The following MTUS2 variants were observed in gnomAD, a reference collection of about 807,000 sequenced individuals.
MTUS2 encodes microtubule-associated tumor suppressor candidate 2.
In MTUS2, 40 loss-of-function variants were observed where a neutral mutation model predicts 114.1. The ratio of observed to expected loss-of-function variants is 0.35; its 90% CI spans 0.27 to 0.46. The LOEUF (loss-of-function observed/expected upper bound fraction) is 0.46, where lower values mean the gene tolerates loss of function less well. Among genes scored for constraint, MTUS2 ranks in the 20% least tolerant of loss-of-function variants. The probability of loss-of-function intolerance (pLI) is 1.00; values close to 1 mark genes in which losing one functional copy is unlikely to be tolerated. For synonymous variants in MTUS2, 688 were observed against 672.0 expected (o/e 1.02, Z -0.37); for missense variants, 1,679 against 1,705.4 (o/e 0.98, Z 0.27).
rs1487701819 is a variant in MTUS2 at position 29,024,883 on chromosome 13, A to G, written c.185A>G (p.Asn62Ser). Reference sequence around the variant, plus strand: ...TGTGACCTGGGAGATGAAATTGGAAATACAAATTCAAGTGAGCCAGAAAAC... The same window carrying G: ...TGTGACCTGGGAGATGAAATTGGAAGTACAAATTCAAGTGAGCCAGAAAAC... ...KTCDLGDEIG[N>S]TNSSEPENRT... is the part of the protein sequence containing the mutation. The change falls in exon 3 of 16, where the codon AAT becomes AGT. Residue 62 changes from asparagine to serine, a missense_variant. Around this residue, in one of 3 missense-constraint regions of MTUS2, gnomAD observed 843 missense variants for 770.8 expected, o/e 1.09. Transcript: ENST00000612955. 6.2e-7 allele frequency: 1 copy of G among 1,614,016 alleles called. No homozygotes were observed. The highest frequency in any genetic ancestry group is 2.2e-5 in the East Asian group (1 of 44,878).
intron 4 of MTUS2, among the ~76,000 whole-genome samples, chr13:29,081,352 C>A (rs1473467712): frequency 6.6e-6 from 1 of 152,000 alleles, no homozygotes; most frequent in African/African-American, 2.4e-5. Context: ...TTACAATTCA[C>A]CCTGATGTCT....
At chr13:29,355,474 T>C (rs977218103) in intron 7 of MTUS2, among the ~76,000 whole-genome samples, 4 of 152,180 alleles carry the variant, frequency 2.6e-5, no homozygotes, top group Non-Finnish European at 5.9e-5. Context: ...GTTAGAGATG[T>C]TGTAGAGTGG....
At chr13:29,001,422 A>T (rs1253954773) in intron 2 of MTUS2, among the ~76,000 whole-genome samples, 1 of 152,102 alleles carries the variant, frequency 6.6e-6, no homozygotes, top group Non-Finnish European at 1.5e-5. Context: ...GAACTAGATG[A>T]CAGGTTGCAC....
intron 2 of MTUS2, among the ~76,000 whole-genome samples, chr13:28,910,356 C>G (rs1162362699): frequency 6.6e-6 from 1 of 151,458 alleles, no homozygotes; most frequent in Non-Finnish European, 1.5e-5. Context: ...TTTTTTTGTT[C>G]TTATTCTTTT....
intron 5 of MTUS2, among the ~76,000 whole-genome samples, chr13:29,209,380 C>T (rs1191124825): frequency 2.6e-5 from 4 of 152,068 alleles, no homozygotes; most frequent in African/African-American, 9.7e-5. Context: ...ATCCATTCTT[C>T]CATTCTGTAT....
chr13:29,344,138 A>G (rs748073821), intron 7 of MTUS2, among the ~76,000 whole-genome samples: 1 of 152,094 alleles, frequency 6.6e-6, no homozygotes, highest in Non-Finnish European at 1.5e-5. Flanking sequence ...GTTGGGTAGA[A>G]TGTTCTGTAA....
intron 8 of MTUS2, among the ~76,000 whole-genome samples, chr13:29,388,759 A>G (rs1872807998): frequency 6.6e-6 from 1 of 152,080 alleles, no homozygotes; most frequent in Admixed American, 6.6e-5. Context: ...AATTAGAGAA[A>G]TATCTTAAGG....
At chr13:28,954,619 T>C (rs1451356659) in intron 2 of MTUS2, among the ~76,000 whole-genome samples, 2 of 152,042 alleles carry the variant, frequency 1.3e-5, no homozygotes, top group Non-Finnish European at 2.9e-5. Context: ...GGGAGCATCA[T>C]TGAAGTGGAG....
At chr13:29,232,318 A>ACG (rs1566081002) in intron 5 of MTUS2, among the ~76,000 whole-genome samples, 6,362 of 99,024 alleles carry the variant, frequency 0.064, 455 homozygotes, top group African/African-American at 0.2. Flanking sequence ...ACACACACAC[A>ACG]CACACGCACA....
intron 2 of MTUS2, among the ~76,000 whole-genome samples, chr13:28,931,245 A>C (rs2138089836): frequency 6.6e-6 from 1 of 152,300 alleles, no homozygotes; most frequent in Non-Finnish European, 1.5e-5. Context: ...TTTGGGAAAA[A>C]ATAAAAAATA....
rs1188500192 is a variant in MTUS2 at position 29,380,682 on chromosome 13, C to T, written c.3117+21209C>T. On this transcript the variant is annotated intron_variant, in intron 8 of 15. Coordinates refer to ENST00000612955, the MANE Select transcript of MTUS2 (RefSeq NM_001033602.4). ...CTGTAATCCCAGCACTTTGGGAGGC[C>T]GAGGCGGGTGGATCATGAGGTCAGG... 1.1e-4 allele frequency among the ~76,000 whole-genome samples: 2 copies of T among 17,988 alleles called. 1 individual carries two copies. Among genetic ancestry groups the T allele is most frequent in the African/African-American group, 1.5e-4 (2 of 13,312 alleles). 11.8% of individuals were successfully genotyped at this position (17,988 alleles called of 152,430 possible).
intron 2 of MTUS2, among the ~76,000 whole-genome samples, chr13:28,955,939 A>G (rs1287530384): frequency 6.6e-6 from 1 of 151,516 alleles, no homozygotes; most frequent in Non-Finnish European, 1.5e-5. Flanking sequence ...AGTTATTGGG[A>G]CACAGGTGGT....
intron 12 of MTUS2, 101 bp downstream of exon 12, chr13:29,492,820 T>C: frequency 1.1e-6 from 1 of 873,966 alleles, no homozygotes; most frequent in Non-Finnish European, 1.8e-6. Context: ...TACTAAATCC[T>C]GTACTAAACA....
At chr13:29,354,170 C>G (rs1018597431) in intron 7 of MTUS2, among the ~76,000 whole-genome samples, 3 of 151,778 alleles carry the variant, frequency 2.0e-5, no homozygotes, top group Admixed American at 6.6e-5. Context: ...TTTTCTGACT[C>G]TCAGGGATCA....
At chr13:28,867,197 T>C (rs7322232) in intron 2 of MTUS2, among the ~76,000 whole-genome samples, 36,157 of 152,194 alleles carry the variant, frequency 0.24, 6,699 homozygotes, top group African/African-American at 0.52. Context: ...AGGAAGGACC[T>C]GTGCTCTTTA....
chr13:29,355,783 GA>G (rs1270132805), intron 7 of MTUS2, among the ~76,000 whole-genome samples: 1 of 152,198 alleles, frequency 6.6e-6, no homozygotes, highest in Non-Finnish European at 1.5e-5. Flanking sequence ...ATTTCACACA[GA>G]AAAGGAAGTA....
At position 29,100,946 on chromosome 13, in the gene MTUS2, C is replaced by A; in HGVS notation, c.2620C>A (p.Pro874Thr). The A allele has an allele frequency of 6.4e-7, 1 of 1,573,738 alleles. No homozygotes were observed. The highest frequency in any genetic ancestry group is 8.6e-7 in the Non-Finnish European group (1 of 1,159,002). Residue 874 changes from proline (P) to threonine (T), a missense_variant, in exon 5 of 16, where the codon CCA (proline) becomes ACA (threonine). Pro to Thr is a conservative substitution (Grantham distance 38, BLOSUM62 -1). Transcript: ENST00000612955. Reference sequence around the variant, plus strand: ...CACCCAGTCCGGGGACAGTGCACAGCCAGAGCAGGGCCGGCCAGCCACCCG... The same window carrying A: ...CACCCAGTCCGGGGACAGTGCACAGACAGAGCAGGGCCGGCCAGCCACCCG... ...SSTQSGDSAQ[P>T]EQGRPATRST...
At chr13:29,476,277 T>G (rs776063463) in intron 9 of MTUS2, among the ~76,000 whole-genome samples, 17 of 152,190 alleles carry the variant, frequency 1.1e-4, no homozygotes, top group Non-Finnish European at 1.6e-4. Flanking sequence ...TCAGAACGTA[T>G]CCCCATCATT....
chr13:29,119,562 A>G (rs1426290541), intron 5 of MTUS2, among the ~76,000 whole-genome samples: 2 of 152,228 alleles, frequency 1.3e-5, no homozygotes, highest in Admixed American at 6.5e-5. Flanking sequence ...TTATCTGATT[A>G]TGTAATTAAG....
Sources: allele counts gnomAD v4.1 joint callset (sites outside exome capture counted in the v4.1 genomes callset), GRCh38; gene constraint gnomAD v4.1.1; regional missense constraint gnomAD v4.1.1; transcripts MANE v1.5; gene names NCBI Gene and HGNC (gene_info 2026-07-23, HGNC 2026-07-21).